KLRK1: variants seen among roughly 807,000 people sequenced by gnomAD.
KLRK1 encodes the protein NKG2-D type II integral membrane protein.
Under a neutral mutation model 31.3 loss-of-function variants are expected in KLRK1, and 40 were observed. The ratio of observed to expected loss-of-function variants is 1.28; its 90% confidence interval spans 0.99 to 1.67. The LOEUF (loss-of-function observed/expected upper bound fraction) is 1.67, where lower values mean the gene tolerates loss of function less well. Among genes scored for constraint, KLRK1 ranks in the 40% most tolerant of loss-of-function variants. The pLI, the probability that KLRK1 is intolerant of heterozygous loss-of-function variation, is 0.00. For missense variants in KLRK1, 251 were observed against 260.0 expected, an observed-to-expected ratio of 0.97 and a Z score of 0.24; for synonymous variants, 77 against 77.3, an observed-to-expected ratio of 1.00 and a Z score of 0.02.
In KLRK1 at chr12:10,379,744, C is replaced by T. The variant is rs766532536; in HGVS notation, c.197G>A (p.Arg66His). The T allele has an allele frequency of 7.4e-6, 12 of 1,611,462 alleles. No homozygotes were observed. Among genetic ancestry groups the T allele is most frequent in the South Asian group, 4.4e-5 (4 of 90,504 alleles). The stretch of plus-strand genomic sequence containing the variant: ...CCATATTGTTACCATAATAATGAAA[C>T]GGATTCCCATGGCTACAGCGATGAA... ...CCFIAVAMGI[R>H]FIIMVTIWSA... The change falls in exon 4 of 8, where the codon CGT becomes CAT. Residue 66 changes from arginine (R) to histidine (H), a missense_variant. Physicochemically the swap from Arg to His is conservative, Grantham distance 29 (BLOSUM62 0). Transcript: ENST00000240618.
chr12:10,378,220 C>G lies in KLRK1; in HGVS notation c.445G>C (p.Val149Leu). 1 of 1,612,774 alleles carries G rather than the reference C, an allele frequency of 6.2e-7. No individual in the cohort carries two copies. Among genetic ancestry groups the G allele is most frequent in the Non-Finnish European group, 8.5e-7 (1 of 1,179,684 alleles). The change falls in exon 7 of 8, where the codon GTG becomes CTG. Residue 149 changes from valine (V) to leucine (L), a missense_variant. Coordinates refer to ENST00000240618, the MANE Select transcript of KLRK1 (RefSeq NM_007360.4). Reference protein sequence around the residue: ...SKEDQDLLKLVKSYHWMGLVH... With the variant: ...SKEDQDLLKLLKSYHWMGLVH... ...AGTCCCATCCAATGATATGACTTCA[C>G]CAGTTTAAGTAAATCCTGTTTGAAA...
rs7965403 is a variant in KLRK1, at chr12:10,388,407, T to C, written c.40+364A>G. 1.6e-3 allele frequency among the ~76,000 whole-genome samples: 249 copies of C among 152,264 alleles called. 3 individuals are homozygous for C. The highest frequency in any genetic ancestry group is 5.8e-3 in the African/African-American group (241 of 41,544). ...AATATGGAATGTTTCATGCCTGTAT[T>C]TGATAGAAAAAGAAACTAAACTAAA... On this transcript the variant is annotated intron_variant, in intron 2 of 7. Coordinates refer to ENST00000240618, the MANE Select transcript of KLRK1 (RefSeq NM_007360.4).
chr12:10,384,161 TTAAAG>T (rs983050392), intron 3 of KLRK1, among the ~76,000 whole-genome samples: 5 of 151,982 alleles, frequency 3.3e-5, no homozygotes, highest in Non-Finnish European at 5.9e-5. Flanking sequence ...AAGAATATTG[TTAAAG>T]TAATCATATG....
intron 3 of KLRK1, among the ~76,000 whole-genome samples, chr12:10,383,495 ATATAT>A (rs2137815394): frequency 6.6e-6 from 1 of 152,236 alleles, no homozygotes; most frequent in Non-Finnish European, 1.5e-5. Context: ...CAGCACTCAG[ATATAT>A]TAAGTAAATA....
At position 10,372,493 on chromosome 12, in the gene KLRK1, AAG is replaced by A. The variant is rs879584629; in HGVS notation, c.*619_*620del. The stretch of plus-strand genomic sequence containing the variant: ...GGATATTACTATTCCAAAAGGAAGA[AAG>A]AGAGGAAGAGAAACAGTCATGGGAC... On this transcript the variant is annotated 3_prime_UTR_variant, in exon 8 of 8. Transcript: ENST00000240618. 1 of 152,654 alleles carries A rather than the reference AAG, an allele frequency of 6.6e-6. No individual in the cohort carries two copies. Among genetic ancestry groups the A allele is most frequent in the Admixed American group, 6.5e-5 (1 of 15,290 alleles). 9.5% of individuals were successfully genotyped at this position (152,654 alleles called of 1,614,324 possible). A position where few individuals can be genotyped will look rare whatever the true frequency, so the allele number is the denominator to read the frequency against.
chr12:10,387,315 A>T (rs1191960900), intron 2 of KLRK1, among the ~76,000 whole-genome samples: 1 of 152,186 alleles, frequency 6.6e-6, no homozygotes, highest in African/African-American at 2.4e-5. Context: ...GTTAGTGAAA[A>T]GGCAGATGTA....
intron 3 of KLRK1, among the ~76,000 whole-genome samples, chr12:10,381,060 C>T (rs1437547305): frequency 6.6e-6 from 1 of 151,950 alleles, no homozygotes; most frequent in Non-Finnish European, 1.5e-5. Flanking sequence ...TTGCATCAAG[C>T]CTATACAGAG....
intron 5 of KLRK1, 124 bp downstream of exon 5, chr12:10,379,323 C>T: frequency 2.4e-6 from 1 of 414,806 alleles, no homozygotes; most frequent in Non-Finnish European, 4.0e-6. Context: ...AAACAGAAGC[C>T]ATAGTGTATT....
intron 7 of KLRK1, among the ~76,000 whole-genome samples, 183 bp downstream of exon 7, chr12:10,377,948 AT>A (rs933837315): frequency 1.3e-5 from 2 of 152,204 alleles, no homozygotes; most frequent in African/African-American, 4.8e-5. Flanking sequence ...ACTTACTAGT[AT>A]TTGTGTTGGC....
At position 10,378,554 on chromosome 12, in the gene KLRK1, C is replaced by A; in HGVS notation, c.429G>T (p.Gln143His). The A allele has an allele frequency of 6.2e-7, 1 of 1,609,966 alleles. No homozygotes were observed. Among genetic ancestry groups the A allele is most frequent in the East Asian group, 2.2e-5 (1 of 44,822 alleles). The change falls in exon 6 of 8, where the codon CAG becomes CAT. Residue 143 changes from glutamine to histidine, a missense_variant and splice_region_variant. Coordinates refer to ENST00000240618, the MANE Select transcript of KLRK1 (RefSeq NM_007360.4). ...SLLKVYSKED[Q>H]DLLKLVKSYH... ...TGGGAAATTAAAATAAATACTCAACCTGGTCCTCTTTGCTGTATACTTTCA... is the reference window on the plus strand; with the variant it reads ...TGGGAAATTAAAATAAATACTCAACATGGTCCTCTTTGCTGTATACTTTCA...
chr12:10,386,167 G>A (rs953593034), intron 3 of KLRK1, among the ~76,000 whole-genome samples: 24 of 151,728 alleles, frequency 1.6e-4, no homozygotes, highest in African/African-American at 5.8e-4. Context: ...GTCTTGCTAT[G>A]AGAAATAATG....
At chr12:10,389,489 C>A (rs568670043) in intron 1 of KLRK1, among the ~76,000 whole-genome samples, 2 of 152,146 alleles carry the variant, frequency 1.3e-5, no homozygotes, top group East Asian at 3.9e-4. Context: ...GCTTAGATTT[C>A]AAAAATAAAA....
chr12:10,376,978 A>G (rs536747051), intron 7 of KLRK1, among the ~76,000 whole-genome samples: 4 of 152,150 alleles, frequency 2.6e-5, no homozygotes, highest in Admixed American at 1.3e-4. Flanking sequence ...CACCCCGTCC[A>G]GCTAATTTTT....
In KLRK1 at chr12:10,383,467, C is replaced by T. The variant is rs1414954982; in HGVS notation, c.148+3436G>A. ...ATATAATATAGTATTTATAAGTATA[C>T]ATATGCACCCAATATTACAGCACTC... On this transcript the variant is annotated intron_variant, in intron 3 of 7. Coordinates refer to ENST00000240618, the MANE Select transcript of KLRK1 (RefSeq NM_007360.4). Among the ~76,000 whole-genome samples the T allele has an allele frequency of 3.3e-5, 5 of 151,916 alleles. No homozygotes were observed. In the East Asian group the frequency reaches 7.7e-4, roughly 23 times the overall value.
At chr12:10,380,966 C>A (rs181725352) in intron 3 of KLRK1, among the ~76,000 whole-genome samples, 104 of 152,246 alleles carry the variant, frequency 6.8e-4, no homozygotes, top group African/African-American at 2.4e-3. Context: ...TCCCTGGGGC[C>A]CTGCTGACAT....
intron 3 of KLRK1, among the ~76,000 whole-genome samples, chr12:10,383,784 TATATC>T (rs546179658): frequency 5.3e-4 from 81 of 152,138 alleles, no homozygotes; most frequent in African/African-American, 1.6e-3. Flanking sequence ...AAGTCAATAT[TATATC>T]AAGTAAATTT....
intron 3 of KLRK1, among the ~76,000 whole-genome samples, chr12:10,382,780 A>G (rs922607764): frequency 4.6e-5 from 7 of 152,222 alleles, no homozygotes; most frequent in Non-Finnish European, 8.8e-5. Context: ...AGTAATTACA[A>G]TTTATTAAGA....
chr12:10,384,637 A>G (rs896441476), intron 3 of KLRK1, among the ~76,000 whole-genome samples: 88 of 152,220 alleles, frequency 5.8e-4, no homozygotes, highest in African/African-American at 2.0e-3. Context: ...AACTGAATCT[A>G]TAACACTACT....
At position 10,388,787 on chromosome 12, in the gene KLRK1, C is replaced by T. The variant is rs1017407900; in HGVS notation, c.24G>A (p.Arg8=). The T allele has an allele frequency of 6.2e-7, 1 of 1,613,762 alleles. No homozygotes were observed. Residue 8 remains arginine, a synonymous_variant, in exon 2 of 8, where the codon AGG becomes AGA. Transcript: ENST00000240618. Reference sequence around the variant, plus strand: ...AAAACATACCCCAGCTGTGTCGAGACCTCCGACCACGAATCCACCCCATCA... The same window carrying T: ...AAAACATACCCCAGCTGTGTCGAGATCTCCGACCACGAATCCACCCCATCA... MGWIRGR[R]SRHSWEMSEF...
Sources: gnomAD v4.1 joint callset for allele counts (sites outside exome capture counted in the v4.1 genomes callset) on GRCh38, gnomAD v4.1.1 for gene constraint, MANE v1.5 for transcripts, NCBI Gene and HGNC (gene_info 2026-07-23, HGNC 2026-07-21) for gene names.